The following PLEKHA2 variants were observed in gnomAD, a reference collection of about 807,000 sequenced individuals.
PLEKHA2 encodes pleckstrin homology domain-containing family A member 2.
PLEKHA2 carries 28 observed loss-of-function variants against 53.2 expected under a neutral mutation model. That is an observed-to-expected ratio of 0.53 (90% CI 0.39 to 0.72). PLEKHA2 has a LOEUF of 0.72. Ranked by LOEUF, PLEKHA2 falls within the 30% of genes least tolerant of loss-of-function variation. The pLI is 0.00. For missense variants in PLEKHA2, 426 were observed against 537.9 expected (o/e 0.79, Z 2.06); for synonymous variants, 193 against 196.4 (o/e 0.98, Z 0.14).
intron 8 of PLEKHA2, among the ~76,000 whole-genome samples, chr8:38,953,013 G>C (rs748187562): frequency 1.3e-5 from 2 of 152,108 alleles, no homozygotes; most frequent in Admixed American, 6.5e-5. Flanking sequence ...GCACAGTGGT[G>C]GATTTTTTGT....
intron 5 of PLEKHA2, among the ~76,000 whole-genome samples, chr8:38,948,118 CCTT>C (rs140097367): frequency 0.036 from 5,463 of 151,806 alleles, 122 homozygotes; most frequent in African/African-American, 0.062. Context: ...TTATTTCCCT[CCTT>C]CTTTGCTGGG....
intron 11 of PLEKHA2, chr8:38,968,959 C>T (rs938202598): frequency 5.7e-6 from 2 of 351,640 alleles, no homozygotes; most frequent in Admixed American, 9.5e-5. Context: ...AGTGCAGTGG[C>T]ACGATCTCAG....
At chr8:38,944,059 GT>G (rs1183486242) in intron 4 of PLEKHA2, among the ~76,000 whole-genome samples, 5 of 151,206 alleles carry the variant, frequency 3.3e-5, no homozygotes, top group African/African-American at 1.2e-4. Context: ...TAACATTTCT[GT>G]TTTCTTTCTT....
intron 6 of PLEKHA2, 39 bp downstream of exon 6, chr8:38,951,029 GTGGAAGTGTCCA>G: frequency 6.3e-7 from 1 of 1,583,254 alleles, no homozygotes; most frequent in Non-Finnish European, 8.6e-7. Context: ...GAGTGGGGGT[GTGGAAGTGTCCA>G]TGGTGTGCCC....
intron 10 of PLEKHA2, among the ~76,000 whole-genome samples, chr8:38,960,663 A>G (rs1835026051): frequency 6.6e-6 from 1 of 152,290 alleles, no homozygotes; most frequent in Middle Eastern, 3.4e-3. Flanking sequence ...TCTGCATTCT[A>G]TCTGTGGCCA....
At position 38,945,672 on chromosome 8, in the gene PLEKHA2, A is replaced by G. The variant is rs375211674; in HGVS notation, c.248-452A>G. Among the ~76,000 whole-genome samples the G allele has an allele frequency of 1.8e-4, 28 of 152,314 alleles. No individual in the cohort carries two copies. In the East Asian group the frequency reaches 5.4e-3, roughly 29 times the overall value. On this transcript the variant is annotated intron_variant, in intron 4 of 11. Transcript: ENST00000617275. ...AAGGTCACAGATTTGATCTCAGGAA[A>G]GCTTTGTTCTATTTCCCAACCACAG...
chr8:38,910,729 A>C (rs1376313889), intron 1 of PLEKHA2, among the ~76,000 whole-genome samples: 1 of 152,230 alleles, frequency 6.6e-6, no homozygotes. Flanking sequence ...AAAGCATGAA[A>C]ATACAAATTT....
rs574489206 is a variant in PLEKHA2 at position 38,958,122 on chromosome 8, T to A, written c.837+736T>A. Among the ~76,000 whole-genome samples, 209 of 152,172 alleles carry A rather than the reference T, an allele frequency of 1.4e-3. 1 individual carries two copies. Among genetic ancestry groups the A allele is most frequent in the South Asian group, 2.7e-3 (13 of 4,822 alleles). On this transcript the variant is annotated intron_variant, in intron 10 of 11. Transcript: ENST00000617275. ...GGCGGATCACTTGAGGTCAGGAGTT[T>A]GAGACCAGCCTGGTCAACATGGTGA...
rs1159772559 is a variant in PLEKHA2 at position 38,971,021 on chromosome 8, TA to T, written c.*1240del. On this transcript the variant is annotated 3_prime_UTR_variant, in exon 12 of 12. Coordinates refer to ENST00000617275, the MANE Select transcript of PLEKHA2 (RefSeq NM_021623.2). The stretch of plus-strand genomic sequence containing the variant: ...ATTGTATTTTTAAATTAAAAATTAG[TA>T]ACTAGAGGAAGAGACTAAGAGAACT... 6.6e-6 allele frequency: 1 copy of T among 152,240 alleles called. No homozygotes were observed. Among genetic ancestry groups the T allele is most frequent in the African/African-American group, 2.4e-5 (1 of 41,474 alleles). The allele number at this position is 152,240 out of a possible 1,614,324, so 9.4% of individuals were successfully genotyped here. A position where few individuals can be genotyped will look rare whatever the true frequency, so the allele number is the denominator to read the frequency against.
rs1588286167 is a variant in PLEKHA2 at position 38,971,828 on chromosome 8, T to A, written c.*2045T>A. On this transcript the variant is annotated 3_prime_UTR_variant, in exon 12 of 12. Transcript: ENST00000617275. ...CGGGCGCAGTGGCAGGCGCCTGTAG[T>A]CCCAGCTACTTGGGAGGCTGCGGCA... 1.3e-5 allele frequency: 2 copies of A among 152,172 alleles called. 1 individual carries two copies. The highest frequency in any genetic ancestry group is 3.9e-4 in the East Asian group (2 of 5,174). The allele number at this position is 152,172 out of a possible 1,614,324, so 9.4% of individuals were successfully genotyped here. A position where few individuals can be genotyped will look rare whatever the true frequency, so the allele number is the denominator to read the frequency against.
chr8:38,959,520 T>G (rs754594462), intron 10 of PLEKHA2, among the ~76,000 whole-genome samples: 8 of 152,180 alleles, frequency 5.3e-5, no homozygotes, highest in Non-Finnish European at 1.2e-4. Context: ...GTTTTCCTCA[T>G]CTGTGAAATG....
chr8:38,952,926 T>A (rs975777352), intron 8 of PLEKHA2, among the ~76,000 whole-genome samples: 2 of 151,008 alleles, frequency 1.3e-5, no homozygotes, highest in African/African-American at 4.8e-5. Context: ...ACACAACATC[T>A]TCTTCTTATA....
At chr8:38,957,500 T>A in intron 10 of PLEKHA2, 114 bp downstream of exon 10, 1 of 873,968 alleles carries the variant, frequency 1.1e-6, no homozygotes, top group Non-Finnish European at 1.8e-6. Context: ...TTCTAGGCAG[T>A]AAATTTAGCC....
intron 2 of PLEKHA2, among the ~76,000 whole-genome samples, chr8:38,925,019 T>G (rs139757182): frequency 1.2e-3 from 181 of 152,320 alleles, no homozygotes; most frequent in African/African-American, 4.3e-3. Flanking sequence ...CAAACTTTTT[T>G]TTAAATTATA....
Position 38,918,020 on chromosome 8 carries a change from A to C in PLEKHA2, c.91A>C (p.Ile31Leu), listed in dbSNP as rs1195675063. Reference protein sequence around the residue: ...NSGKFLRRYFILDTQANCLLW... With the variant: ...NSGKFLRRYFLLDTQANCLLW... ...CGGCAAGTTTCTGCGGAGGTACTTC[A>C]TTCTGGACACCCAGGCTAACTGCCT... Residue 31 changes from isoleucine (I) to leucine (L), a missense_variant, in exon 2 of 12, where the codon ATT (isoleucine) becomes CTT (leucine). Ile to Leu is a conservative substitution (Grantham distance 5). Coordinates refer to ENST00000617275, the MANE Select transcript of PLEKHA2 (RefSeq NM_021623.2). 2.7e-5 allele frequency: 43 copies of C among 1,613,428 alleles called. No homozygotes were observed. The highest frequency in any genetic ancestry group is 3.4e-5 in the Non-Finnish European group (40 of 1,179,664).
At chr8:38,967,588 A>G (rs1406733167) in intron 10 of PLEKHA2, among the ~76,000 whole-genome samples, 3 of 151,886 alleles carry the variant, frequency 2.0e-5, no homozygotes, top group Non-Finnish European at 4.4e-5. Flanking sequence ...ATGATTAGGG[A>G]TAGTGAACAT....
chr8:38,969,302 G>A, intron 11 of PLEKHA2, 119 bp from the exon 12 acceptor site: 1 of 1,211,824 alleles, frequency 8.3e-7, no homozygotes, highest in Non-Finnish European at 1.1e-6. Context: ...TTGTAGGCAA[G>A]CATCCTTGGA....
chr8:38,949,937 T>C (rs1161304024), intron 5 of PLEKHA2, among the ~76,000 whole-genome samples: 1 of 152,228 alleles, frequency 6.6e-6, no homozygotes, highest in Non-Finnish European at 1.5e-5. Flanking sequence ...CCAGACTTCA[T>C]GGACCCCTTG....
At chr8:38,902,247 G>A (rs904012006) in intron 1 of PLEKHA2, among the ~76,000 whole-genome samples, 4 of 150,922 alleles carry the variant, frequency 2.7e-5, no homozygotes, top group East Asian at 2.0e-4. Flanking sequence ...AAGCTAGGCC[G>A]TTTAGAAGGG....
Sources: allele counts gnomAD v4.1 joint callset (sites outside exome capture counted in the v4.1 genomes callset), GRCh38; gene constraint gnomAD v4.1.1; transcripts MANE v1.5; gene names NCBI Gene and HGNC (gene_info 2026-07-23, HGNC 2026-07-21).